EBF1: variants seen among roughly 807,000 people sequenced by gnomAD.
EBF1 encodes EBF transcription factor 1, also known as transcription factor COE1.
In EBF1, 10 loss-of-function variants were observed where a neutral mutation model predicts 68.4. That is an observed-to-expected ratio of 0.15 (90% CI 0.09 to 0.25). The LOEUF (loss-of-function observed/expected upper bound fraction) is 0.25, where lower values mean the gene tolerates loss of function less well. Ranked by LOEUF, EBF1 falls within the 10% of genes least tolerant of loss-of-function variation. The pLI is 1.00. For missense variants in EBF1, 509 were observed against 794.4 expected (o/e 0.64, Z 4.32); for synonymous variants, 298 against 299.8 (o/e 0.99, Z 0.06).
chr5:159,008,236 T>G (rs1763949718), intron 6 of EBF1, among the ~76,000 whole-genome samples: 1 of 152,184 alleles, frequency 6.6e-6, no homozygotes, highest in African/African-American at 2.4e-5. Context: ...TGTCTAGAAA[T>G]CTATTCTAAG....
intron 4 of EBF1, among the ~76,000 whole-genome samples, chr5:159,093,600 A>G (rs1584567308): frequency 6.6e-6 from 1 of 152,214 alleles, no homozygotes; most frequent in Middle Eastern, 3.4e-3. Flanking sequence ...CTTAAGCTCT[A>G]TGACCTTGTT....
At chr5:158,756,523 A>G (rs1013841295) in intron 10 of EBF1, among the ~76,000 whole-genome samples, 1 of 152,102 alleles carries the variant, frequency 6.6e-6, no homozygotes, top group Non-Finnish European at 1.5e-5. Context: ...GATTAAAAAT[A>G]ACCTCTTGAA....
Position 158,863,532 on chromosome 5 carries a change from T to C in EBF1, c.555-23422A>G, listed in dbSNP as rs572839615. ...GAACAACAAATGATAAAATGCTACC[T>C]ACGATTAAGAAATAATTGAGAATCC... On this transcript the variant is annotated intron_variant, in intron 6 of 15. Transcript: ENST00000313708. Among the ~76,000 whole-genome samples, 4 of 152,222 alleles carry C rather than the reference T, an allele frequency of 2.6e-5. No homozygotes were observed. In the South Asian group the frequency reaches 8.3e-4, roughly 32 times the overall value.
chr5:159,095,606 A>G lies in EBF1; in HGVS notation c.411+14T>C, dbSNP rs1185429516. 1 of 1,613,772 alleles carries G rather than the reference A, an allele frequency of 6.2e-7. No individual in the cohort carries two copies. Among genetic ancestry groups the G allele is most frequent in the African/African-American group, 1.3e-5 (1 of 75,026 alleles). On this transcript the variant is annotated intron_variant, in intron 4 of 15. Coordinates refer to ENST00000313708, the MANE Select transcript of EBF1 (RefSeq NM_024007.5). ...GACATAGAGCCCCCCGTGGCCCAAA[A>G]TCAAGAAACTTACTTGTTTTGTCAT...
intron 14 of EBF1, among the ~76,000 whole-genome samples, chr5:158,711,915 G>A (rs1299396795): frequency 6.6e-6 from 1 of 152,274 alleles, no homozygotes; most frequent in African/African-American, 2.4e-5. Context: ...CAGCTGCTTT[G>A]GATGGTAGCA....
At chr5:158,886,502 C>A (rs1018677738) in intron 6 of EBF1, among the ~76,000 whole-genome samples, 1 of 152,134 alleles carries the variant, frequency 6.6e-6, no homozygotes, top group South Asian at 2.1e-4. Context: ...GGGTTTTCAC[C>A]GCATGGAACT....
rs557932492 is a variant in EBF1, at chr5:158,806,471, C to T, written c.779-9996G>A. Among the ~76,000 whole-genome samples the T allele has an allele frequency of 7.9e-5, 12 of 152,216 alleles. No homozygotes were observed. The East Asian group carries it at 1.9e-3, about 25-fold the overall frequency. ...CAGGATTCCACAGGCTTCCTTCTCA[C>T]AGTACCCTCACTCACCCTGGCTCTT... is the stretch of plus-strand genomic sequence containing the variant. On this transcript the variant is annotated intron_variant, in intron 8 of 15. Transcript: ENST00000313708.
At chr5:158,968,531 G>A (rs1198529085) in intron 6 of EBF1, among the ~76,000 whole-genome samples, 1 of 152,140 alleles carries the variant, frequency 6.6e-6, no homozygotes, top group Non-Finnish European at 1.5e-5. Flanking sequence ...ATAGATGAGA[G>A]ACAAAGTGGA....
chr5:159,084,724 C>G lies in EBF1; in HGVS notation c.427G>C (p.Gly143Arg). Residue 143 changes from glycine to arginine, a missense_variant, in exon 5 of 16, where the codon GGC (glycine) becomes CGC (arginine). Transcript: ENST00000313708. ...CACATTTCTGGGTTCTTGTCTTGGCCTTCATACACTATGGCCTAAAAGCAA... is the reference window on the plus strand; with the variant it reads ...CACATTTCTGGGTTCTTGTCTTGGCGTTCATACACTATGGCCTAAAAGCAA... Reference protein sequence around the residue: ...SMTKQAIVYEGQDKNPEMCRV... With the variant: ...SMTKQAIVYERQDKNPEMCRV... The G allele has an allele frequency of 6.3e-7, 1 of 1,597,530 alleles. No individual in the cohort carries two copies. Among genetic ancestry groups the G allele is most frequent in the Non-Finnish European group, 8.5e-7 (1 of 1,170,338 alleles).
intron 6 of EBF1, among the ~76,000 whole-genome samples, chr5:158,935,268 C>T (rs1811737781): frequency 6.6e-6 from 1 of 152,158 alleles, no homozygotes; most frequent in Non-Finnish European, 1.5e-5. Context: ...CAGTCAGAGG[C>T]TGTGTTCCGA....
intron 10 of EBF1, among the ~76,000 whole-genome samples, chr5:158,761,435 G>A (rs1215363738): frequency 6.6e-6 from 1 of 152,170 alleles, no homozygotes; most frequent in Non-Finnish European, 1.5e-5. Flanking sequence ...TTAATTCTAT[G>A]CTTCCTATGA....
intron 6 of EBF1, chr5:158,986,469 G>T (rs1163621516): frequency 6.6e-6 from 1 of 152,214 alleles, no homozygotes; most frequent in Non-Finnish European, 1.5e-5. Context: ...AAAGAGAGCA[G>T]CTATACTCAG....
At chr5:158,704,348 TA>T in intron 15 of EBF1, among the ~76,000 whole-genome samples, 1 of 152,292 alleles carries the variant, frequency 6.6e-6, no homozygotes, top group South Asian at 2.1e-4. Context: ...GAGTCGGCTT[TA>T]AAAAACAGAA....
chr5:158,735,678 C>T lies in EBF1; in HGVS notation c.1037-4521G>A, dbSNP rs199834090. On this transcript the variant is annotated intron_variant, in intron 10 of 15. Coordinates refer to ENST00000313708, the MANE Select transcript of EBF1 (RefSeq NM_024007.5). ...TGCCATTTGAACTGTATCAACATTA[C>T]TACTTTTGAAAAAAAAGTTAATGAA... is the stretch of plus-strand genomic sequence containing the variant. 2.0e-5 allele frequency among the ~76,000 whole-genome samples: 3 copies of T among 151,894 alleles called. No individual in the cohort carries two copies. The East Asian group carries it at 5.8e-4, about 29-fold the overall frequency.
rs1375069886 is a variant in EBF1 at position 158,698,401 on chromosome 5, A to G, written c.*710T>C. On this transcript the variant is annotated 3_prime_UTR_variant, in exon 16 of 16. Transcript: ENST00000313708. ...AGGCACTGGATTTTCGAGTAGAGGG[A>G]AAAATGTGATCACTTACATCGCGTT... The G allele has an allele frequency of 4.5e-6, 1 of 223,450 alleles. No homozygotes were observed. The allele number at this position is 223,450 out of a possible 1,614,324, so 13.8% of individuals were successfully genotyped here.
At chr5:158,766,435 TA>T (rs1291669692) in intron 10 of EBF1, among the ~76,000 whole-genome samples, 2 of 152,226 alleles carry the variant, frequency 1.3e-5, no homozygotes, top group African/African-American at 4.8e-5. Context: ...GTTGTATTTG[TA>T]AATGTTGTAA....
chr5:158,767,033 T>C (rs1026741272), intron 10 of EBF1, among the ~76,000 whole-genome samples: 5 of 152,166 alleles, frequency 3.3e-5, no homozygotes, highest in Non-Finnish European at 5.9e-5. Context: ...TGTTAATAGC[T>C]TTCTAATCCC....
chr5:159,020,310 G>A (rs767455053), intron 6 of EBF1, among the ~76,000 whole-genome samples: 2 of 152,192 alleles, frequency 1.3e-5, no homozygotes, highest in African/African-American at 2.4e-5. Context: ...CACATAGATT[G>A]AGAATGGCCG....
rs1441814021 is a variant in EBF1 at position 158,810,696 on chromosome 5, A to G, written c.778+12480T>C. ...TATGTTCGCATATAAAATATTGATT[A>G]ATTTCACAGATTGGGATAAAAATAT... On this transcript the variant is annotated intron_variant, in intron 8 of 15. Coordinates refer to ENST00000313708, the MANE Select transcript of EBF1 (RefSeq NM_024007.5). Among the ~76,000 whole-genome samples the G allele has an allele frequency of 2.6e-5, 4 of 152,306 alleles. No individual in the cohort carries two copies. The East Asian group carries it at 5.8e-4, about 22-fold the overall frequency.
Sources: allele counts gnomAD v4.1 joint callset (sites outside exome capture counted in the v4.1 genomes callset), GRCh38; gene constraint gnomAD v4.1.1; transcripts MANE v1.5; gene names NCBI Gene and HGNC (gene_info 2026-07-23, HGNC 2026-07-21).